NKAIN3: variants seen among roughly 807,000 people sequenced by gnomAD.
NKAIN3 encodes sodium/potassium-transporting ATPase subunit beta-1-interacting protein 3.
A neutral mutation model predicts 30.2 loss-of-function variants in NKAIN3; 25 were observed. That is an observed-to-expected ratio of 0.83 (90% CI 0.60 to 1.16). The LOEUF is 1.16. NKAIN3 is among the 50% of genes most tolerant of loss of function. The pLI, the probability that NKAIN3 is intolerant of heterozygous loss-of-function variation, is 0.00. For missense variants in NKAIN3, 225 were observed against 254.1 expected, an observed-to-expected ratio of 0.89 and a Z score of 0.78; for synonymous variants, 91 against 89.6, an observed-to-expected ratio of 1.02 and a Z score of -0.09.
At chr8:62,906,028 G>A (rs913269809) in intron 4 of NKAIN3, among the ~76,000 whole-genome samples, 2 of 152,142 alleles carry the variant, frequency 1.3e-5, no homozygotes, top group African/African-American at 2.4e-5. Flanking sequence ...ACAGAAAGTA[G>A]GCTGGCTTCA....
chr8:62,417,950 G>A (rs1188865383), intron 1 of NKAIN3, among the ~76,000 whole-genome samples: 2 of 152,146 alleles, frequency 1.3e-5, no homozygotes, highest in Non-Finnish European at 2.9e-5. Context: ...AAGAACAGTG[G>A]AGTGAAGGAG....
chr8:62,759,558 A>T (rs544451060), intron 4 of NKAIN3, among the ~76,000 whole-genome samples: 2 of 152,328 alleles, frequency 1.3e-5, no homozygotes, highest in South Asian at 2.1e-4. Context: ...CGGACATCAA[A>T]TCATGAGAAC....
chr8:62,505,062 T>C (rs1205592163), intron 1 of NKAIN3, among the ~76,000 whole-genome samples: 2 of 152,168 alleles, frequency 1.3e-5, no homozygotes, highest in Admixed American at 1.3e-4. Flanking sequence ...GAAATCAGAC[T>C]AGATAAAGGC....
At chr8:62,664,677 T>C (rs1813044771) in intron 3 of NKAIN3, among the ~76,000 whole-genome samples, 1 of 152,126 alleles carries the variant, frequency 6.6e-6, no homozygotes, top group South Asian at 2.1e-4. Flanking sequence ...TCATATTTTC[T>C]CAACCAGAGC....
intron 4 of NKAIN3, among the ~76,000 whole-genome samples, chr8:62,770,322 A>C (rs2130634566): frequency 6.6e-6 from 1 of 152,322 alleles, no homozygotes; most frequent in African/African-American, 2.4e-5. Flanking sequence ...AGAGGATAGG[A>C]GATTTACTGG....
intron 1 of NKAIN3, among the ~76,000 whole-genome samples, chr8:62,335,418 G>A (rs1278651589): frequency 4.3e-5 from 5 of 115,718 alleles, no homozygotes; most frequent in South Asian, 3.0e-4. Flanking sequence ...GACGGAGTAA[G>A]TGAGACTCTG....
chr8:62,828,070 C>T (rs1427368886), intron 4 of NKAIN3, among the ~76,000 whole-genome samples: 3 of 151,400 alleles, frequency 2.0e-5, no homozygotes, highest in Non-Finnish European at 4.4e-5. Flanking sequence ...CAATGCAATA[C>T]TACTCAGTAG....
intron 1 of NKAIN3, among the ~76,000 whole-genome samples, chr8:62,272,907 A>G (rs1394209661): frequency 6.6e-6 from 1 of 152,192 alleles, no homozygotes; most frequent in Non-Finnish European, 1.5e-5. Context: ...AACTGTTGTC[A>G]GTCTGAGAAT....
At chr8:62,478,688 T>C (rs1284528026) in intron 1 of NKAIN3, among the ~76,000 whole-genome samples, 1 of 152,172 alleles carries the variant, frequency 6.6e-6, no homozygotes, top group Non-Finnish European at 1.5e-5. Context: ...TTTAAAATCA[T>C]CTGGAAAGGT....
chr8:62,603,400 T>C (rs1811038103), intron 3 of NKAIN3, among the ~76,000 whole-genome samples: 1 of 152,150 alleles, frequency 6.6e-6, no homozygotes, highest in African/African-American at 2.4e-5. Context: ...GATTGATGAG[T>C]ATTAAGCTGA....
intron 1 of NKAIN3, among the ~76,000 whole-genome samples, chr8:62,336,651 T>C (rs1256613877): frequency 6.6e-6 from 1 of 151,960 alleles, no homozygotes; most frequent in Non-Finnish European, 1.5e-5. Flanking sequence ...TTTGTCCCGG[T>C]TTTCTACTGT....
At chr8:62,805,239 G>C (rs28832415) in intron 4 of NKAIN3, among the ~76,000 whole-genome samples, 6 of 150,892 alleles carry the variant, frequency 4.0e-5, no homozygotes, top group South Asian at 2.1e-4. Context: ...AGGTAATTTA[G>C]AGATTCAATG....
intron 1 of NKAIN3, among the ~76,000 whole-genome samples, chr8:62,437,014 T>C (rs974351631): frequency 2.6e-5 from 4 of 152,200 alleles, no homozygotes; most frequent in African/African-American, 7.2e-5. Context: ...CTTCAGCACA[T>C]TGTTTTCCTA....
chr8:62,294,874 C>A (rs183352704), intron 1 of NKAIN3, among the ~76,000 whole-genome samples: 1 of 152,072 alleles, frequency 6.6e-6, no homozygotes, highest in Non-Finnish European at 1.5e-5. Context: ...AAGTAATTAC[C>A]TACATAGTTC....
chr8:62,946,406 T>G (rs1217372879), intron 5 of NKAIN3, among the ~76,000 whole-genome samples: 1 of 152,162 alleles, frequency 6.6e-6, no homozygotes, highest in Non-Finnish European at 1.5e-5. Flanking sequence ...GCTCAGATTC[T>G]TCAGACAGGA....
intron 1 of NKAIN3, among the ~76,000 whole-genome samples, chr8:62,337,747 C>T (rs536470517): frequency 3.3e-5 from 5 of 152,030 alleles, no homozygotes; most frequent in Admixed American, 2.0e-4. Flanking sequence ...CTGTAAGTCT[C>T]GGCAATGTAC....
At chr8:62,593,218 G>A (rs1218456782) in intron 3 of NKAIN3, among the ~76,000 whole-genome samples, 1 of 151,896 alleles carries the variant, frequency 6.6e-6, no homozygotes, top group Non-Finnish European at 1.5e-5. Flanking sequence ...TTGAATGACT[G>A]AAATAATACA....
At chr8:62,903,834 G>A (rs1821686491) in intron 4 of NKAIN3, among the ~76,000 whole-genome samples, 1 of 152,096 alleles carries the variant, frequency 6.6e-6, no homozygotes, top group South Asian at 2.1e-4. Flanking sequence ...GAGAATGAGT[G>A]CCAAGAGAAG....
chr8:62,276,401 G>T (rs1454326988), intron 1 of NKAIN3, among the ~76,000 whole-genome samples: 1 of 152,162 alleles, frequency 6.6e-6, no homozygotes, highest in African/African-American at 2.4e-5. Flanking sequence ...TGGAGGAGAA[G>T]TATTTCAGAG....
Sources: allele counts gnomAD v4.1 joint callset (sites outside exome capture counted in the v4.1 genomes callset), GRCh38; gene constraint gnomAD v4.1.1; transcripts MANE v1.5; gene names NCBI Gene and HGNC (gene_info 2026-07-23, HGNC 2026-07-21).